Variants in CDH18 observed in about 807,000 individuals in gnomAD.
The protein encoded by CDH18 is cadherin-18.
CDH18 carries 31 observed loss-of-function variants against 67.9 expected under a neutral mutation model. The ratio of observed to expected loss-of-function variants is 0.46; its 90% CI spans 0.34 to 0.62. The LOEUF (loss-of-function observed/expected upper bound fraction) is 0.62. Among genes scored for constraint, CDH18 ranks in the 20% least tolerant of loss-of-function variants. CDH18 has a pLI of 0.01. For missense variants in CDH18, 890 were observed against 975.5 expected (o/e 0.91, Z 1.17); for synonymous variants, 362 against 347.2 (o/e 1.04, Z -0.48).
intron 1 of CDH18, among the ~76,000 whole-genome samples, chr5:20,328,508 T>TGTGA (rs1491143591): frequency 4.2e-4 from 47 of 112,104 alleles, no homozygotes; most frequent in African/African-American, 1.2e-3. Flanking sequence ...TGTGTGTGTG[T>TGTGA]GAGAGAGAGA....
At chr5:20,161,289 C>T (rs77924543) in intron 2 of CDH18, among the ~76,000 whole-genome samples, 3,558 of 152,294 alleles carry the variant, frequency 0.023, 128 homozygotes, top group African/African-American at 0.081. Flanking sequence ...ATGACACTGG[C>T]TCCTTTTATG....
intron 3 of CDH18, among the ~76,000 whole-genome samples, chr5:19,781,957 T>G (rs562604391): frequency 6.6e-6 from 1 of 152,320 alleles, no homozygotes; most frequent in African/African-American, 2.4e-5. Flanking sequence ...TTATAATCAT[T>G]TATTTTCTGG....
rs375349675 is a variant in CDH18 at position 19,839,980 on chromosome 5, C to G, written c.-256-738G>C. Among the ~76,000 whole-genome samples, 28 of 151,388 alleles carry G rather than the reference C, an allele frequency of 1.8e-4. No homozygotes were observed. The East Asian group carries it at 5.3e-3, about 28-fold the overall frequency. On this transcript the variant is annotated intron_variant, in intron 2 of 12. Transcript: ENST00000382275. The stretch of plus-strand genomic sequence containing the variant: ...TTTAAAATTAAAAGAAGTTGAAGGC[C>G]GGGTGGGGTGGCTCACGCCTGTAAT...
In CDH18 at chr5:19,514,555, G is replaced by A. The variant is rs1745646255; in HGVS notation, c.1512+6102C>T. ...TCGCCATTCTAACTGGTGTGAGATG[G>A]TATCTCATTGCTGTTTTGATTTGCA... On this transcript the variant is annotated intron_variant, in intron 10 of 12. Coordinates refer to ENST00000382275, the MANE Select transcript of CDH18 (RefSeq NM_004934.5). Among the ~76,000 whole-genome samples the A allele has an allele frequency of 1.3e-5, 2 of 152,134 alleles. 1 individual carries two copies. The highest frequency in any genetic ancestry group is 4.1e-4 in the South Asian group (2 of 4,828).
chr5:19,628,941 G>A (rs1751988581), intron 5 of CDH18, among the ~76,000 whole-genome samples: 1 of 151,608 alleles, frequency 6.6e-6, no homozygotes, highest in African/African-American at 2.4e-5. Flanking sequence ...AAAAAACTAA[G>A]AGGGTGTGGC....
intron 1 of CDH18, among the ~76,000 whole-genome samples, chr5:20,340,878 CA>C (rs1740200689): frequency 6.6e-6 from 1 of 152,138 alleles, no homozygotes; most frequent in African/African-American, 2.4e-5. Flanking sequence ...CTTGTTTACT[CA>C]GGCCTTTTGA....
chr5:20,572,090 C>T lies in CDH18; in HGVS notation c.-580+3372G>A, dbSNP rs186568410. On this transcript the variant is annotated intron_variant, in intron 1 of 14. Coordinates refer to the CDH18 transcript ENST00000507958. ...CCGTAATACACCCTCCCATGAACTT[C>T]TGTGTATGTAATGATAACTTTATAT... Among the ~76,000 whole-genome samples, 3 of 152,124 alleles carry T rather than the reference C, an allele frequency of 2.0e-5. 1 individual carries two copies. The East Asian group carries it at 5.8e-4, about 29-fold the overall frequency.
intron 2 of CDH18, among the ~76,000 whole-genome samples, chr5:20,231,480 C>A (rs1049877629): frequency 4.6e-5 from 7 of 151,686 alleles, no homozygotes; most frequent in Non-Finnish European, 8.8e-5. Context: ...GCTCCTGTAA[C>A]CCCAGCTACT....
chr5:19,939,444 T>G (rs1354482012), intron 2 of CDH18, among the ~76,000 whole-genome samples: 1 of 151,762 alleles, frequency 6.6e-6, no homozygotes, highest in East Asian at 1.9e-4. Context: ...AATGTCTATT[T>G]TTGAAATTAT....
At chr5:20,528,061 A>G (rs1012103784) in intron 1 of CDH18, among the ~76,000 whole-genome samples, 1 of 152,078 alleles carries the variant, frequency 6.6e-6, no homozygotes, top group African/African-American at 2.4e-5. Flanking sequence ...AAAGGGATGG[A>G]GGAAAATTTA....
intron 3 of CDH18, among the ~76,000 whole-genome samples, chr5:19,813,521 G>GA (rs1273657705): frequency 6.6e-6 from 1 of 151,818 alleles, no homozygotes; most frequent in Admixed American, 6.6e-5. Context: ...AGACTCTTCA[G>GA]AAAAAAGACA....
chr5:20,398,380 G>A (rs1745457410), intron 1 of CDH18, among the ~76,000 whole-genome samples: 1 of 151,972 alleles, frequency 6.6e-6, no homozygotes, highest in Admixed American at 6.6e-5. Context: ...AAATTTTATT[G>A]ATATATTTTT....
intron 1 of CDH18, among the ~76,000 whole-genome samples, chr5:20,315,861 T>A (rs1417024688): frequency 1.3e-5 from 2 of 152,130 alleles, no homozygotes; most frequent in African/African-American, 4.8e-5. Context: ...TTGGTTTGTC[T>A]ACTGTTTGTC....
chr5:20,341,643 T>C (rs1000859526), intron 1 of CDH18, among the ~76,000 whole-genome samples: 5 of 151,988 alleles, frequency 3.3e-5, no homozygotes, highest in African/African-American at 1.2e-4. Flanking sequence ...AATACATATT[T>C]TGGTACCAGG....
intron 2 of CDH18, among the ~76,000 whole-genome samples, chr5:19,895,647 T>C (rs567630860): frequency 5.9e-5 from 9 of 152,262 alleles, no homozygotes; most frequent in African/African-American, 1.9e-4. Flanking sequence ...AAATAAACCA[T>C]ACAGCCATAC....
chr5:20,357,537 G>A (rs1018176678), intron 1 of CDH18, among the ~76,000 whole-genome samples: 5 of 151,896 alleles, frequency 3.3e-5, no homozygotes, highest in African/African-American at 7.3e-5. Context: ...ATATAAGAGC[G>A]GCCAAAAAAC....
intron 5 of CDH18, among the ~76,000 whole-genome samples, chr5:19,718,248 T>C (rs1765582564): frequency 6.6e-6 from 1 of 151,956 alleles, no homozygotes; most frequent in South Asian, 2.1e-4. Context: ...AGTCCACATT[T>C]TGAGGGGTCA....
At chr5:19,556,107 G>A (rs550037391) in intron 8 of CDH18, among the ~76,000 whole-genome samples, 50 of 152,258 alleles carry the variant, frequency 3.3e-4, no homozygotes, top group African/African-American at 1.1e-3. Context: ...TCCTGTGGGA[G>A]AAAAGAATCT....
intron 2 of CDH18, among the ~76,000 whole-genome samples, chr5:20,187,409 A>G (rs538456191): frequency 1.4e-4 from 21 of 151,982 alleles, no homozygotes; most frequent in Admixed American, 5.3e-4. Context: ...TTCCTTTTGT[A>G]GAAGACAAAT....
Sources: gnomAD v4.1 joint callset for allele counts (sites outside exome capture counted in the v4.1 genomes callset) on GRCh38, gnomAD v4.1.1 for gene constraint, MANE v1.5 for transcripts, NCBI Gene and HGNC (gene_info 2026-07-23, HGNC 2026-07-21) for gene names.